The following DRC11 variants were observed in gnomAD, a reference collection of about 807,000 sequenced individuals.
The protein encoded by DRC11 is dynein regulatory complex subunit 11.
the DRC11 span, among the ~76,000 whole-genome samples, chr2:236,345,996 A>C: frequency 6.6e-6 from 1 of 152,244 alleles, no homozygotes; most frequent in African/African-American, 2.4e-5. Flanking sequence ...CAAAGGCAGA[A>C]GTGGGCACTG....
chr2:236,414,953 T>A, the DRC11 span, among the ~76,000 whole-genome samples: 1 of 152,230 alleles, frequency 6.6e-6, no homozygotes, highest in African/African-American at 2.4e-5. Context: ...GAAACACTGA[T>A]TCATTGTGAA....
chr2:236,315,958 T>C, the DRC11 span, among the ~76,000 whole-genome samples: 3 of 152,240 alleles, frequency 2.0e-5, no homozygotes, highest in African/African-American at 7.2e-5. This position sits in a 1 kb window ranked among gnomAD's most constrained non-coding sequence, Gnocchi z 5.1. Flanking sequence ...CATTTACCTA[T>C]GTAACAAACC....
chr2:236,495,413 G>C, the DRC11 span, among the ~76,000 whole-genome samples: 1 of 152,216 alleles, frequency 6.6e-6, no homozygotes, highest in Non-Finnish European at 1.5e-5. The surrounding 1 kb of genome is among the most constrained non-coding windows in gnomAD (Gnocchi z 5.6). Context: ...GAAGCAAAGA[G>C]AGATATTGGT....
At chr2:236,384,194 T>C in the DRC11 span, among the ~76,000 whole-genome samples, 1 of 151,994 alleles carries the variant, frequency 6.6e-6, no homozygotes, top group Admixed American at 6.6e-5. Context: ...ATGGGATGGC[T>C]GGGTCAAATG....
At chr2:236,318,295 G>A in the DRC11 span, among the ~76,000 whole-genome samples, 10 of 152,278 alleles carry the variant, frequency 6.6e-5, no homozygotes, top group African/African-American at 1.7e-4. The surrounding 1 kb of genome is among the most constrained non-coding windows in gnomAD (Gnocchi z 7.0). Context: ...TCCCTGTTCC[G>A]CTGCTGCTGT....
chr2:236,385,033 T>C, the DRC11 span, among the ~76,000 whole-genome samples: 2 of 152,256 alleles, frequency 1.3e-5, no homozygotes, highest in Admixed American at 1.3e-4. Flanking sequence ...TCTGTTTTGG[T>C]ATCAGTACCA....
the DRC11 span, among the ~76,000 whole-genome samples, chr2:236,400,590 C>T: frequency 2.6e-5 from 4 of 152,222 alleles, no homozygotes; most frequent in South Asian, 2.1e-4. The surrounding 1 kb of genome is among the most constrained non-coding windows in gnomAD (Gnocchi z 7.9). Context: ...AAAGGAACAA[C>T]GCTGGCCTCC....
chr2:236,357,633 A>G, the DRC11 span, among the ~76,000 whole-genome samples: 2 of 102,576 alleles, frequency 1.9e-5, no homozygotes, highest in Non-Finnish European at 3.7e-5. Flanking sequence ...AAATATGCAT[A>G]TAATATGTAA....
At chr2:236,408,623 G>C in the DRC11 span, 3 of 725,202 alleles carry the variant, frequency 4.1e-6, no homozygotes, top group South Asian at 2.8e-5. The surrounding 1 kb of genome is among the most constrained non-coding windows in gnomAD (Gnocchi z 5.5). Context: ...TCATGCTGCT[G>C]AAGTCCTGCT....
At chr2:236,367,394 A>C in the DRC11 span, among the ~76,000 whole-genome samples, 1 of 151,280 alleles carries the variant, frequency 6.6e-6, no homozygotes, top group Non-Finnish European at 1.5e-5. The surrounding 1 kb of genome is among the most constrained non-coding windows in gnomAD (Gnocchi z 4.8). Context: ...ATTTCTTGCC[A>C]ATAGGCAAGT....
chr2:236,307,706 A>G, the DRC11 span, among the ~76,000 whole-genome samples: 1 of 152,158 alleles, frequency 6.6e-6, no homozygotes, highest in African/African-American at 2.4e-5. This position sits in a 1 kb window ranked among gnomAD's most constrained non-coding sequence, Gnocchi z 7.0. Flanking sequence ...GCTGCCTTTC[A>G]GAAATGTTCA....
chr2:236,392,314 G>A, the DRC11 span: 6 of 1,598,480 alleles, frequency 3.8e-6, no homozygotes, highest in Admixed American at 1.0e-4. The surrounding 1 kb of genome is among the most constrained non-coding windows in gnomAD (Gnocchi z 5.1). Context: ...ATAGTCCTGA[G>A]AGAAATTCCA....
At chr2:236,375,214 A>G in the DRC11 span, among the ~76,000 whole-genome samples, 1 of 151,772 alleles carries the variant, frequency 6.6e-6, no homozygotes, top group Non-Finnish European at 1.5e-5. The surrounding 1 kb of genome is among the most constrained non-coding windows in gnomAD (Gnocchi z 4.2). Context: ...TAAACGGCTG[A>G]CTCCACCCAC....
chr2:236,406,194 G>A, the DRC11 span, among the ~76,000 whole-genome samples: 6 of 152,218 alleles, frequency 3.9e-5, no homozygotes, highest in African/African-American at 1.4e-4. The surrounding 1 kb of genome is among the most constrained non-coding windows in gnomAD (Gnocchi z 4.7). Flanking sequence ...TCCAGAAGAG[G>A]CTTTGTTATC....
At chr2:236,399,047 T>C in the DRC11 span, among the ~76,000 whole-genome samples, 3 of 151,954 alleles carry the variant, frequency 2.0e-5, no homozygotes, top group East Asian at 3.9e-4. This position sits in a 1 kb window ranked among gnomAD's most constrained non-coding sequence, Gnocchi z 7.0. Flanking sequence ...TGGAGTGCAA[T>C]GGCGTGATAT....
chr2:236,418,084 T>A, the DRC11 span, among the ~76,000 whole-genome samples: 4 of 152,244 alleles, frequency 2.6e-5, no homozygotes, highest in African/African-American at 9.6e-5. Context: ...CCTTTGGGTA[T>A]ATACCAGTAA....
chr2:236,358,128 ATATT>A, the DRC11 span, among the ~76,000 whole-genome samples: 8 of 116,838 alleles, frequency 6.8e-5, no homozygotes, highest in African/African-American at 2.0e-4. Flanking sequence ...ATATGAATAT[ATATT>A]TATAATATAT....
the DRC11 span, chr2:236,332,106 TG>T: frequency 1.2e-5 from 2 of 162,270 alleles, no homozygotes. The surrounding 1 kb of genome is among the most constrained non-coding windows in gnomAD (Gnocchi z 5.1). Flanking sequence ...TCCCTTTCAG[TG>T]GAAGACACTG....
chr2:236,420,831 C>A, the DRC11 span, among the ~76,000 whole-genome samples: 5 of 152,084 alleles, frequency 3.3e-5, no homozygotes, highest in African/African-American at 1.2e-4. The surrounding 1 kb of genome is among the most constrained non-coding windows in gnomAD (Gnocchi z 4.8). Context: ...ACAAAACAGA[C>A]AAAGGCTCAC....
Sources: allele counts gnomAD v4.1 joint callset (sites outside exome capture counted in the v4.1 genomes callset), GRCh38; gene constraint gnomAD v4.1.1; non-coding constraint Gnocchi (gnomAD v3.1); transcripts MANE v1.5; gene names NCBI Gene and HGNC (gene_info 2026-07-23, HGNC 2026-07-21).